The following SLC25A13 variants were observed in gnomAD, a reference collection of about 807,000 sequenced individuals.
SLC25A13 encodes electrogenic aspartate/glutamate antiporter SLC25A13, mitochondrial.
SLC25A13 carries 70 observed loss-of-function variants against 85.5 expected under a neutral mutation model. The observed-to-expected ratio is 0.82, with a 90% CI of 0.68 to 1.00. The LOEUF (loss-of-function observed/expected upper bound fraction) is 1.00, where lower values mean the gene tolerates loss of function less well. Ranked by LOEUF, SLC25A13 falls within the 50% of genes least tolerant of loss-of-function variation. The pLI is 0.00. For synonymous variants in SLC25A13, 259 were observed against 288.7 expected (o/e 0.90, Z 1.04); for missense variants, 765 against 819.8 (o/e 0.93, Z 0.82).
rs536379066 is a variant in SLC25A13 at position 96,258,148 on chromosome 7, A to G, written c.212+19048T>C. 2.0e-5 allele frequency among the ~76,000 whole-genome samples: 3 copies of G among 152,330 alleles called. No individual in the cohort carries two copies. The South Asian group carries it at 6.2e-4, about 32-fold the overall frequency. The stretch of plus-strand genomic sequence containing the variant: ...GCAAAAACTGGAAGCATTCCCTTTG[A>G]AAACCAGCACAAGACAAGGATGCCC... On this transcript the variant is annotated intron_variant, in intron 3 of 17. Coordinates refer to ENST00000265631, the MANE Select transcript of SLC25A13 (RefSeq NM_014251.3).
chr7:96,248,693 T>C (rs1584510253), intron 3 of SLC25A13, among the ~76,000 whole-genome samples: 1 of 152,198 alleles, frequency 6.6e-6, no homozygotes, highest in African/African-American at 2.4e-5. Flanking sequence ...AAAAAAATTA[T>C]TTGGTTTTAA....
At chr7:96,296,779 C>T (rs935234348) in intron 2 of SLC25A13, 119 bp downstream of exon 2, 1 of 1,045,464 alleles carries the variant, frequency 9.6e-7, no homozygotes, top group African/African-American at 1.6e-5. Flanking sequence ...CCGTGCCGGG[C>T]TGACACTTTG....
At chr7:96,241,372 G>A (rs1796992674) in intron 3 of SLC25A13, among the ~76,000 whole-genome samples, 1 of 152,200 alleles carries the variant, frequency 6.6e-6, no homozygotes. Context: ...CAGCACTGCT[G>A]GTAATGGTGA....
Position 96,184,337 on chromosome 7 carries a change from T to A in SLC25A13, c.1117A>T (p.Asn373Tyr). The A allele has an allele frequency of 6.2e-7, 1 of 1,614,186 alleles. No homozygotes were observed. Among genetic ancestry groups the A allele is most frequent in the East Asian group, 2.2e-5 (1 of 44,876 alleles). ...ACTTTCTTAAAACAGTCAAAGCTGT[T>A]TTTATACATGAGTTCTCCCACAAAA... ...GSFVGELMYK[N>Y]SFDCFKKVLR... is the part of the protein sequence containing the mutation. The change falls in exon 11 of 18, where the codon AAC (asparagine) becomes TAC (tyrosine). Residue 373 changes from asparagine to tyrosine, a missense_variant. Transcript: ENST00000265631.
chr7:96,234,978 C>A, intron 3 of SLC25A13, 61 bp from the exon 4 acceptor site: 1 of 1,186,696 alleles, frequency 8.4e-7, no homozygotes, highest in Non-Finnish European at 1.2e-6. Context: ...GAAGCATATA[C>A]AAACATACAC....
intron 11 of SLC25A13, among the ~76,000 whole-genome samples, chr7:96,172,596 T>C (rs1024582202): frequency 1.5e-4 from 22 of 150,864 alleles, no homozygotes; most frequent in Admixed American, 2.6e-4. Flanking sequence ...GACCTAACAG[T>C]CAGTTCATGG....
chr7:96,208,812 T>C, intron 5 of SLC25A13, 26 bp downstream of exon 5: 1 of 1,613,422 alleles, frequency 6.2e-7, no homozygotes, highest in Non-Finnish European at 8.5e-7. Context: ...GCCATACCCT[T>C]TTAACTTTTT....
intron 1 of SLC25A13, among the ~76,000 whole-genome samples, chr7:96,319,510 C>G (rs921974982): frequency 3.5e-5 from 5 of 144,536 alleles, no homozygotes; most frequent in African/African-American, 7.8e-5. Context: ...CCACTGCACT[C>G]CAGCCTGGCA....
At chr7:96,210,061 C>T (rs1795630419) in intron 4 of SLC25A13, among the ~76,000 whole-genome samples, 1 of 152,128 alleles carries the variant, frequency 6.6e-6, no homozygotes, top group Non-Finnish European at 1.5e-5. Context: ...ATTTCCTGCT[C>T]CCACCCCCAT....
chr7:96,301,347 T>G (rs1370393435), intron 1 of SLC25A13, among the ~76,000 whole-genome samples: 1 of 152,220 alleles, frequency 6.6e-6, no homozygotes, highest in East Asian at 1.9e-4. Context: ...CATGCAAATA[T>G]TTACAGCTAC....
chr7:96,164,016 A>G (rs1055287590), intron 13 of SLC25A13, among the ~76,000 whole-genome samples: 2 of 152,200 alleles, frequency 1.3e-5, no homozygotes, highest in Admixed American at 6.5e-5. Context: ...TTTTTCCCAC[A>G]ATCAGGCAAG....
At chr7:96,271,668 T>C (rs577423419) in intron 3 of SLC25A13, among the ~76,000 whole-genome samples, 6 of 152,258 alleles carry the variant, frequency 3.9e-5, no homozygotes, top group African/African-American at 1.4e-4. Flanking sequence ...GCCTTTCAAA[T>C]CTGTCACAAG....
At chr7:96,289,001 G>A (rs140373529) in intron 2 of SLC25A13, among the ~76,000 whole-genome samples, 186 of 152,200 alleles carry the variant, frequency 1.2e-3, no homozygotes, top group African/African-American at 4.0e-3. Flanking sequence ...ACTGGGAGGC[G>A]CCCCCCAGTA....
intron 4 of SLC25A13, among the ~76,000 whole-genome samples, chr7:96,233,369 C>G (rs1796630101): frequency 6.6e-6 from 1 of 152,170 alleles, no homozygotes; most frequent in South Asian, 2.1e-4. Context: ...AATTGGTATT[C>G]CATTGAAAAG....
intron 3 of SLC25A13, among the ~76,000 whole-genome samples, chr7:96,254,306 T>C (rs748877938): frequency 4.6e-5 from 7 of 152,198 alleles, no homozygotes; most frequent in Non-Finnish European, 8.8e-5. Context: ...TTTCTCCACC[T>C]GAGTGTTAGA....
rs58984088 is a variant in SLC25A13 at position 96,128,939 on chromosome 7, G to GCTCTCTCTCTCTCTCTCTCTCTCT, written c.1591+2780_1591+2803dup. On this transcript the variant is annotated intron_variant, in intron 15 of 17. Coordinates refer to ENST00000265631, the MANE Select transcript of SLC25A13 (RefSeq NM_014251.3). ...AGACACTGCAGCTTCTGCCTTGCTT[G>GCTCTCTCTCTCTCTCTCTCTCTCT]CTCTCTCTCTCTCTCTCTCTCTCTC... Among the ~76,000 whole-genome samples the GCTCTCTCTCTCTCTCTCTCTCTCT allele has an allele frequency of 8.5e-5, 7 of 81,902 alleles. 1 individual carries two copies. The highest frequency in any genetic ancestry group is 2.1e-4 in the African/African-American group (5 of 23,278). The allele number at this position is 81,902 out of a possible 152,430, so 53.7% of individuals were successfully genotyped here.
At chr7:96,194,462 A>AAAAAAAAAAAAAAAAAAAAC (rs1794984797) in intron 5 of SLC25A13, among the ~76,000 whole-genome samples, 1 of 145,580 alleles carries the variant, frequency 6.9e-6, no homozygotes, top group Non-Finnish European at 1.5e-5. Context: ...AAAAAAAAAA[A>AAAAAAAAAAAAAAAAAAAAC]AAAAAGGAAC....
intron 4 of SLC25A13, among the ~76,000 whole-genome samples, chr7:96,228,071 A>G (rs1288207354): frequency 2.0e-5 from 3 of 152,082 alleles, no homozygotes; most frequent in African/African-American, 7.2e-5. Flanking sequence ...ACTGTGTTGG[A>G]CAGGCTGGTT....
At chr7:96,309,151 C>CTTGT (rs1191445664) in intron 1 of SLC25A13, among the ~76,000 whole-genome samples, 1 of 152,206 alleles carries the variant, frequency 6.6e-6, no homozygotes, top group Non-Finnish European at 1.5e-5. Flanking sequence ...CAGGATATCA[C>CTTGT]CCTCTTGTCC....
Sources: allele counts gnomAD v4.1 joint callset (sites outside exome capture counted in the v4.1 genomes callset), GRCh38; gene constraint gnomAD v4.1.1; transcripts MANE v1.5; gene names NCBI Gene and HGNC (gene_info 2026-07-23, HGNC 2026-07-21).